HELZ: variants seen among roughly 807,000 people sequenced by gnomAD.
HELZ encodes ATP-dependent RNA helicase with zinc finger domain.
HELZ carries 23 observed loss-of-function variants against 218.2 expected under a neutral mutation model. The observed-to-expected ratio is 0.11, with a 90% CI of 0.08 to 0.15. The LOEUF (loss-of-function observed/expected upper bound fraction) is 0.15, where lower values mean the gene tolerates loss of function less well. Ranked by LOEUF, HELZ falls within the 10% of genes least tolerant of loss-of-function variation. The pLI is 1.00. For missense variants in HELZ, 1,813 were observed against 2,353.7 expected (o/e 0.77, Z 4.75); for synonymous variants, 814 against 829.4 (o/e 0.98, Z 0.32).
At chr17:67,129,753 C>T (rs181939287) in intron 23 of HELZ, among the ~76,000 whole-genome samples, 3 of 151,922 alleles carry the variant, frequency 2.0e-5, no homozygotes, top group South Asian at 2.1e-4. Flanking sequence ...ATTTACATAC[C>T]GTTGTTTCTA....
chr17:67,208,647 C>T (rs1174731946), intron 5 of HELZ, among the ~76,000 whole-genome samples: 2 of 151,934 alleles, frequency 1.3e-5, no homozygotes, highest in African/African-American at 2.4e-5. Context: ...CTGGGTGCAG[C>T]GGTTCACATA....
At chr17:67,111,544 G>A (rs2037279724) in intron 28 of HELZ, among the ~76,000 whole-genome samples, 1 of 152,152 alleles carries the variant, frequency 6.6e-6, no homozygotes, top group Non-Finnish European at 1.5e-5. Context: ...TTCCTGAGTT[G>A]CAGCTGGGGT....
intron 5 of HELZ, among the ~76,000 whole-genome samples, chr17:67,207,938 G>A (rs1216895784): frequency 1.3e-5 from 2 of 152,196 alleles, no homozygotes; most frequent in Non-Finnish European, 2.9e-5. Context: ...GGCTGAAGTT[G>A]CAGTGAGCTG....
At chr17:67,114,475 TAGAGAAA>T (rs2037372557) in intron 27 of HELZ, 72 bp from the exon 28 acceptor site, 1 of 875,628 alleles carries the variant, frequency 1.1e-6, no homozygotes, top group East Asian at 2.6e-5. Flanking sequence ...TATCCAATAT[TAGAGAAA>T]GAGGCAGAAT....
intron 20 of HELZ, among the ~76,000 whole-genome samples, chr17:67,146,269 T>C (rs1242418757): frequency 6.6e-6 from 1 of 152,202 alleles, no homozygotes; most frequent in Non-Finnish European, 1.5e-5. Flanking sequence ...CAATAGACAG[T>C]ACATATGATG....
At chr17:67,166,442 C>A in intron 15 of HELZ, 36 bp downstream of exon 15, 2 of 1,556,184 alleles carry the variant, frequency 1.3e-6, no homozygotes, top group Non-Finnish European at 1.8e-6. Context: ...TTAATATTAA[C>A]CTAACTTCCT....
intron 4 of HELZ, among the ~76,000 whole-genome samples, chr17:67,218,221 C>T (rs551296966): frequency 6.9e-6 from 1 of 144,518 alleles, no homozygotes; most frequent in Admixed American, 6.8e-5. Flanking sequence ...TATGAGCCAC[C>T]ACGCCCAGCC....
chr17:67,195,972 C>T (rs1423000549), intron 7 of HELZ, among the ~76,000 whole-genome samples: 4 of 151,398 alleles, frequency 2.6e-5, no homozygotes, highest in African/African-American at 9.7e-5. Flanking sequence ...CTGCCTCAGC[C>T]TTCTGAGTAG....
rs1184917412 is a variant in HELZ at position 67,075,124 on chromosome 17, AAGACCATTTTT to A, written c.*3117_*3127del. 1 of 152,212 alleles carries A rather than the reference AAGACCATTTTT, an allele frequency of 6.6e-6. No individual in the cohort carries two copies. The highest frequency in any genetic ancestry group is 1.5e-5 in the Non-Finnish European group (1 of 68,022). 9.4% of individuals were successfully genotyped at this position (152,212 alleles called of 1,614,324 possible). A position where few individuals can be genotyped will look rare whatever the true frequency, so the allele number is the denominator to read the frequency against. Reference sequence around the variant, plus strand: ...AATGAGGTTCTTCAAATCGTAACAAAAGACCATTTTTAGATCATGAAAAGAATTTTTTCAGC... The same window carrying A: ...AATGAGGTTCTTCAAATCGTAACAAAAGATCATGAAAAGAATTTTTTCAGC... On this transcript the variant is annotated 3_prime_UTR_variant, in exon 33 of 33. Transcript: ENST00000358691.
At chr17:67,224,544 T>C (rs1470253850) in intron 3 of HELZ, 19 of 397,536 alleles carry the variant, frequency 4.8e-5, no homozygotes, top group Middle Eastern at 7.8e-4. Context: ...CTGATAATTG[T>C]CTTGTAAAAT....
At chr17:67,151,967 G>C (rs142504206) in intron 17 of HELZ, among the ~76,000 whole-genome samples, 1,649 of 152,284 alleles carry the variant, frequency 0.011, 18 homozygotes, top group South Asian at 0.018. Flanking sequence ...AGATCACATA[G>C]GGCTTGTGAG....
chr17:67,136,644 C>T (rs931527615), intron 22 of HELZ, among the ~76,000 whole-genome samples: 2 of 152,160 alleles, frequency 1.3e-5, no homozygotes, highest in Admixed American at 6.5e-5. Context: ...ACACATCTTA[C>T]AACATGGATG....
chr17:67,180,291 T>C (rs1436644045), intron 12 of HELZ, among the ~76,000 whole-genome samples: 1 of 151,434 alleles, frequency 6.6e-6, no homozygotes, highest in Non-Finnish European at 1.5e-5. Flanking sequence ...CAAGACTAGA[T>C]TGAACAACAT....
At chr17:67,237,276 C>A (rs1388763359) in intron 3 of HELZ, among the ~76,000 whole-genome samples, 2 of 152,122 alleles carry the variant, frequency 1.3e-5, no homozygotes, top group East Asian at 3.9e-4. Flanking sequence ...CAGAGTGAGA[C>A]TCTGTCTCGA....
At chr17:67,216,195 T>G (rs886941013) in intron 4 of HELZ, among the ~76,000 whole-genome samples, 1 of 151,926 alleles carries the variant, frequency 6.6e-6, no homozygotes, top group Non-Finnish European at 1.5e-5. Flanking sequence ...AGCACCTCCC[T>G]CCCCGCCAAA....
chr17:67,210,910 G>C (rs1423093435), intron 5 of HELZ, among the ~76,000 whole-genome samples: 1 of 151,062 alleles, frequency 6.6e-6, no homozygotes, highest in South Asian at 2.1e-4. Flanking sequence ...AACAGAACAA[G>C]ACTCAAAAAA....
At chr17:67,195,324 T>C (rs1207202931) in intron 8 of HELZ, 95 bp downstream of exon 8, 11 of 748,866 alleles carry the variant, frequency 1.5e-5, no homozygotes, top group Middle Eastern at 2.3e-4. Flanking sequence ...TCTCCACTTA[T>C]ATGTACTGTA....
At chr17:67,220,965 G>A (rs978074117) in intron 3 of HELZ, among the ~76,000 whole-genome samples, 2 of 151,634 alleles carry the variant, frequency 1.3e-5, no homozygotes, top group African/African-American at 4.9e-5. Flanking sequence ...TTAAGGGTAA[G>A]GGGATTTAAA....
In HELZ at chr17:67,178,921, C is replaced by T. The variant is rs752709298; in HGVS notation, c.1168G>A (p.Glu390Lys). Residue 390 changes from glutamate to lysine, a missense_variant, in exon 13 of 33, where the codon GAA becomes AAA. Transcript: ENST00000358691. ...TGCTGTTTTGCATGCATCAGGTATT[C>T]GAGATCTAAATGGAAACAAAAAACA... ...MIDAASTEDLEYLMHAKQQLV... is the reference protein window; with the variant it reads ...MIDAASTEDLKYLMHAKQQLV... The T allele has an allele frequency of 4.0e-5, 64 of 1,587,332 alleles. No homozygotes were observed. The highest frequency in any genetic ancestry group is 5.0e-5 in the Non-Finnish European group (58 of 1,165,568).
Sources: allele counts gnomAD v4.1 joint callset (sites outside exome capture counted in the v4.1 genomes callset), GRCh38; gene constraint gnomAD v4.1.1; transcripts MANE v1.5; gene names NCBI Gene and HGNC (gene_info 2026-07-23, HGNC 2026-07-21).